TRIM14: variants seen among roughly 807,000 people sequenced by gnomAD.
TRIM14 encodes tripartite motif containing 14, also known as tripartite motif-containing protein 14.
In TRIM14, 28 loss-of-function variants were observed where a neutral mutation model predicts 44.5. That is an observed-to-expected ratio of 0.63 (90% CI 0.47 to 0.86). The LOEUF is 0.86. Ranked by LOEUF, TRIM14 falls within the 40% of genes least tolerant of loss-of-function variation. TRIM14 has a pLI of 0.00. For missense variants in TRIM14, 607 were observed against 611.1 expected (o/e 0.99, Z 0.07); for synonymous variants, 299 against 269.2 (o/e 1.11, Z -1.08).
the TRIM14 span, among the ~76,000 whole-genome samples, chr9:98,048,064 C>CAA: frequency 2.8e-5 from 3 of 107,552 alleles, no homozygotes; most frequent in East Asian, 3.3e-4. Context: ...GACTCCTTCT[C>CAA]AAAAAAAAAA....
At chr9:98,088,060 CG>C in intron 5 of TRIM14, 55 bp from the exon 6 acceptor site, 2 of 1,394,826 alleles carry the variant, frequency 1.4e-6, no homozygotes, top group Admixed American at 3.7e-5. Flanking sequence ...CGCGGCGCCC[CG>C]CCCCCGGGAA....
At chr9:98,045,804 G>A in the TRIM14 span, among the ~76,000 whole-genome samples, 1 of 152,204 alleles carries the variant, frequency 6.6e-6, no homozygotes, top group Non-Finnish European at 1.5e-5. Flanking sequence ...GGACCCATTT[G>A]TGTCCATTGA....
intron 2 of TRIM14, among the ~76,000 whole-genome samples, chr9:98,108,110 T>C (rs530510409): frequency 2.0e-5 from 3 of 150,560 alleles, no homozygotes; most frequent in Admixed American, 6.6e-5. Flanking sequence ...GATAGTGTGC[T>C]ATAGTTATGT....
chr9:98,041,004 G>T, the TRIM14 span, among the ~76,000 whole-genome samples: 2 of 152,000 alleles, frequency 1.3e-5, no homozygotes, highest in African/African-American at 4.8e-5. Context: ...GGCAAGGCTG[G>T]TCTCAAATTC....
At chr9:98,110,550 C>T (rs1049616977) in intron 1 of TRIM14, among the ~76,000 whole-genome samples, 3 of 152,072 alleles carry the variant, frequency 2.0e-5, no homozygotes, top group South Asian at 2.1e-4. Flanking sequence ...GGTGTGATCT[C>T]GTCTCCATCT....
chr9:98,082,927 G>T, downstream of TRIM14: 1 of 1,614,210 alleles, frequency 6.2e-7, no homozygotes, highest in South Asian at 1.1e-5. Context: ...GAAGGTGGGT[G>T]AGCCCAAAGG....
At chr9:98,054,708 C>T in the TRIM14 span, among the ~76,000 whole-genome samples, 1 of 152,154 alleles carries the variant, frequency 6.6e-6, no homozygotes, top group African/African-American at 2.4e-5. Context: ...AGTGCCCTGC[C>T]GATAGAGATG....
rs1166521423 is a variant in TRIM14, at chr9:98,095,300, A to T, written c.538-271T>A. 1.3e-5 allele frequency among the ~76,000 whole-genome samples: 2 copies of T among 152,120 alleles called. No individual in the cohort carries two copies. The highest frequency in any genetic ancestry group is 3.9e-4 in the East Asian group (2 of 5,172). ...TCCTTCCTCCTTTCCTTCCTTCCTTACGTGTTCATTGAAACCTACTCTGTG... is the reference window on the plus strand; with the variant it reads ...TCCTTCCTCCTTTCCTTCCTTCCTTTCGTGTTCATTGAAACCTACTCTGTG... On this transcript the variant is annotated intron_variant, in intron 3 of 5. Coordinates refer to ENST00000341469, the MANE Select transcript of TRIM14 (RefSeq NM_014788.4). The surrounding 1 kb of genome is among the most constrained non-coding windows in gnomAD (Gnocchi z 4.1).
At chr9:98,043,866 G>T in the TRIM14 span, among the ~76,000 whole-genome samples, 3 of 152,082 alleles carry the variant, frequency 2.0e-5, no homozygotes, top group African/African-American at 7.2e-5. Context: ...TTTCCTTAAT[G>T]CAGTGGTCAT....
the TRIM14 span, among the ~76,000 whole-genome samples, chr9:98,051,995 C>T: frequency 1.3e-5 from 2 of 152,190 alleles, no homozygotes; most frequent in African/African-American, 4.8e-5. Flanking sequence ...CTCCTAACTG[C>T]CATTAGCCAT....
At chr9:98,115,433 T>C (rs1244068218) in intron 1 of TRIM14, among the ~76,000 whole-genome samples, 1 of 152,180 alleles carries the variant, frequency 6.6e-6, no homozygotes, top group African/African-American at 2.4e-5. Context: ...GCATTCTTAG[T>C]AGAGATAGGT....
Position 98,095,443 on chromosome 9 carries a change from G to A in TRIM14, c.538-414C>T, listed in dbSNP as rs778669853. Among the ~76,000 whole-genome samples, 53 of 152,232 alleles carry A rather than the reference G, an allele frequency of 3.5e-4. No homozygotes were observed. Among genetic ancestry groups the A allele is most frequent in the Non-Finnish European group, 6.9e-4 (47 of 68,040 alleles). On this transcript the variant is annotated intron_variant, in intron 3 of 5. Transcript: ENST00000341469. The surrounding 1 kb of genome is among the most constrained non-coding windows in gnomAD (Gnocchi z 4.1). ...TGGGTACAAAAAGGGTGAGAGGTCA[G>A]TCTCCCTGGGGAAGGAGCACCTGGA...
At chr9:98,056,610 G>GCCCCGCCCCCGC in the TRIM14 span, 9 of 761,252 alleles carry the variant, frequency 1.2e-5, no homozygotes, top group African/African-American at 1.2e-4. Flanking sequence ...CCCGCGGGAG[G>GCCCCGCCCCCGC]CCCCGCCCCC....
chr9:98,092,504 A>C (rs1009584241), intron 4 of TRIM14: 11 of 428,628 alleles, frequency 2.6e-5, no homozygotes, highest in Non-Finnish European at 4.2e-5. Flanking sequence ...GCACCTCCGC[A>C]GAAGTGCCTT....
intron 6 of TRIM14, among the ~76,000 whole-genome samples, chr9:98,074,274 T>C (rs1829479934): frequency 6.6e-6 from 1 of 152,126 alleles, no homozygotes; most frequent in Non-Finnish European, 1.5e-5. Context: ...TGTACATGCC[T>C]GAGCTCCCTT....
At position 98,087,584 on chromosome 9, in the gene TRIM14, G is replaced by A. The variant is rs1475303791; in HGVS notation, c.1215C>T (p.Tyr405=). ...GGTGGCTCATGCCGCCCGTCACGTC[G>A]TAGAAGGCGAGGACGCCGGCCTCGT... ...LDYEAGVLAF[Y]DVTGGMSHLH... Residue 405 remains tyrosine, a synonymous_variant, in exon 6 of 6, where the codon TAC becomes TAT. Transcript: ENST00000341469. 1.3e-6 allele frequency: 2 copies of A among 1,598,924 alleles called. No individual in the cohort carries two copies. The highest frequency in any genetic ancestry group is 1.3e-5 in the African/African-American group (1 of 74,754).
chr9:98,079,887 C>G (rs1042743741), downstream of TRIM14, among the ~76,000 whole-genome samples: 6 of 152,192 alleles, frequency 3.9e-5, no homozygotes. Flanking sequence ...GTTTTCAAGG[C>G]CTTTGCCACC....
At chr9:98,070,222 G>A (rs575348793) in intron 6 of TRIM14, among the ~76,000 whole-genome samples, 295 of 152,230 alleles carry the variant, frequency 1.9e-3, no homozygotes, top group African/African-American at 6.8e-3. Context: ...GGTTCAAGCA[G>A]TTCTCCTGCT....
intron 6 of TRIM14, among the ~76,000 whole-genome samples, chr9:98,070,097 TAAGAA>T (rs1177686542): frequency 5.3e-5 from 8 of 152,176 alleles, no homozygotes; most frequent in Non-Finnish European, 1.2e-4. Context: ...AGTTTAAAAT[TAAGAA>T]AAGATTCCTC....
Sources: gnomAD v4.1 joint callset for allele counts (sites outside exome capture counted in the v4.1 genomes callset) on GRCh38, gnomAD v4.1.1 for gene constraint, Gnocchi (gnomAD v3.1) non-coding constraint, MANE v1.5 for transcripts, NCBI Gene and HGNC (gene_info 2026-07-23, HGNC 2026-07-21) for gene names.